SNX18: variants seen among roughly 807,000 people sequenced by gnomAD.
The protein encoded by SNX18 is sorting nexin-18.
A neutral mutation model predicts 48.7 loss-of-function variants in SNX18; 35 were observed. The ratio of observed to expected loss-of-function variants is 0.72; its 90% CI spans 0.55 to 0.95. The LOEUF (loss-of-function observed/expected upper bound fraction) is 0.95. SNX18 is among the 40% of genes least tolerant of loss of function. SNX18 has a pLI of 0.00. For synonymous variants in SNX18, 492 were observed against 384.7 expected, an observed-to-expected ratio of 1.28 and a Z score of -3.26; for missense variants, 824 against 871.0, an observed-to-expected ratio of 0.95 and a Z score of 0.68.
chr5:54,524,955 G>A (rs1762101615), intron 1 of SNX18, among the ~76,000 whole-genome samples: 1 of 152,246 alleles, frequency 6.6e-6, no homozygotes, highest in African/African-American at 2.4e-5. Context: ...GGACTGAGCT[G>A]GGTCTGCTGA....
the SNX18 span, among the ~76,000 whole-genome samples, chr5:54,582,908 C>T: frequency 6.6e-6 from 1 of 152,164 alleles, no homozygotes; most frequent in Admixed American, 6.5e-5. Flanking sequence ...TGTGTTAAAT[C>T]AAATCCCACC....
At chr5:54,547,358 G>C (rs1762592614), downstream of SNX18, among the ~76,000 whole-genome samples, 1 of 152,146 alleles carries the variant, frequency 6.6e-6, no homozygotes, top group Non-Finnish European at 1.5e-5. Flanking sequence ...AATTTCTTTT[G>C]ACCAAGATCA....
the SNX18 span, among the ~76,000 whole-genome samples, chr5:54,638,220 T>A: frequency 2.6e-5 from 4 of 152,234 alleles, no homozygotes; most frequent in Non-Finnish European, 4.4e-5. Context: ...CATTTTTAGA[T>A]ATAGTTAATG....
chr5:54,597,224 C>A, the SNX18 span, among the ~76,000 whole-genome samples: 3 of 152,118 alleles, frequency 2.0e-5, no homozygotes, highest in Admixed American at 6.5e-5. Flanking sequence ...TACAGGAGCA[C>A]CCAGATTCAT....
In SNX18 at chr5:54,517,927, G is replaced by C. The variant is rs769851361; in HGVS notation, c.-26G>C. 1.3e-6 allele frequency: 2 copies of C among 1,489,618 alleles called. No homozygotes were observed. Among genetic ancestry groups the C allele is most frequent in the South Asian group, 2.5e-5 (2 of 79,310 alleles). The allele number at this position is 1,489,618 out of a possible 1,614,324, so 92.3% of individuals were successfully genotyped here. ...CCTCGGCTCGGGACGCCGGGAGTCGGGACCGCCAGTCGGGGCGCCGGGACC... is the reference window on the plus strand; with the variant it reads ...CCTCGGCTCGGGACGCCGGGAGTCGCGACCGCCAGTCGGGGCGCCGGGACC... On this transcript the variant is annotated 5_prime_UTR_variant, in exon 1 of 2. Coordinates refer to ENST00000381410, the MANE Select transcript of SNX18 (RefSeq NM_001102575.2).
chr5:54,538,789 A>G (rs1328207729), intron 1 of SNX18, among the ~76,000 whole-genome samples: 2 of 152,174 alleles, frequency 1.3e-5, no homozygotes, highest in African/African-American at 4.8e-5. Flanking sequence ...TAAGTATATT[A>G]CTATCAACTT....
At chr5:54,588,315 T>C in the SNX18 span, among the ~76,000 whole-genome samples, 2 of 7,198 alleles carry the variant, frequency 2.8e-4, no homozygotes, top group Non-Finnish European at 2.5e-4. Flanking sequence ...TCTTTTTTTT[T>C]TTTTTTTTTT....
At chr5:54,619,848 G>A in the SNX18 span, among the ~76,000 whole-genome samples, 1 of 152,168 alleles carries the variant, frequency 6.6e-6, no homozygotes, top group African/African-American at 2.4e-5. Context: ...TTACATTCTT[G>A]TGAGGTTCTG....
At chr5:54,535,152 A>C (rs920623670) in intron 1 of SNX18, among the ~76,000 whole-genome samples, 1 of 152,234 alleles carries the variant, frequency 6.6e-6, no homozygotes, top group African/African-American at 2.4e-5. Context: ...AATTGAGAAT[A>C]TATGTATTAT....
chr5:54,527,056 G>A (rs1398628134), intron 1 of SNX18, among the ~76,000 whole-genome samples: 1 of 152,064 alleles, frequency 6.6e-6, no homozygotes, highest in Admixed American at 6.6e-5. Context: ...GGTGGTTGAA[G>A]TTAAGAGGAT....
chr5:54,608,871 ATTAGGTC>A, the SNX18 span, among the ~76,000 whole-genome samples: 40 of 152,326 alleles, frequency 2.6e-4, no homozygotes, highest in African/African-American at 9.6e-4. Context: ...TGTAAAGGTC[ATTAGGTC>A]TTATTAAACA....
chr5:54,629,084 A>G, the SNX18 span, among the ~76,000 whole-genome samples: 1 of 152,180 alleles, frequency 6.6e-6, no homozygotes, highest in African/African-American at 2.4e-5. Context: ...AATGCCTGTG[A>G]TTTGCCAGAA....
the SNX18 span, among the ~76,000 whole-genome samples, chr5:54,576,259 T>A: frequency 6.6e-6 from 1 of 152,112 alleles, no homozygotes; most frequent in Non-Finnish European, 1.5e-5. Context: ...ACCCACGGAA[T>A]CCATGAGCAT....
intron 1 of SNX18, among the ~76,000 whole-genome samples, chr5:54,542,448 G>A (rs1034568328): frequency 6.6e-6 from 1 of 152,190 alleles, no homozygotes; most frequent in Non-Finnish European, 1.5e-5. Context: ...TTGTACTCCA[G>A]GTGTGGGTCT....
the SNX18 span, among the ~76,000 whole-genome samples, chr5:54,634,331 C>T: frequency 1.3e-5 from 2 of 152,026 alleles, no homozygotes; most frequent in Non-Finnish European, 2.9e-5. Flanking sequence ...GGGACCATGA[C>T]ACAGAACTGA....
At chr5:54,642,847 C>A in the SNX18 span, among the ~76,000 whole-genome samples, 1 of 152,246 alleles carries the variant, frequency 6.6e-6, no homozygotes, top group African/African-American at 2.4e-5. Flanking sequence ...TATGATAGAT[C>A]AGCTCAACAT....
the SNX18 span, among the ~76,000 whole-genome samples, chr5:54,616,717 C>T: frequency 2.0e-5 from 3 of 151,808 alleles, no homozygotes; most frequent in African/African-American, 7.3e-5. Context: ...GGCAGTAAGC[C>T]AAGATCATGC....
the SNX18 span, among the ~76,000 whole-genome samples, chr5:54,607,558 G>C: frequency 1.3e-5 from 2 of 152,122 alleles, no homozygotes; most frequent in African/African-American, 2.4e-5. Context: ...GTATTCCATG[G>C]TAGGTATGCA....
At chr5:54,525,967 G>C (rs1303921301) in intron 1 of SNX18, among the ~76,000 whole-genome samples, 1 of 152,142 alleles carries the variant, frequency 6.6e-6, no homozygotes, top group Admixed American at 6.5e-5. Context: ...ACCTCACTAG[G>C]AACTTCGAAT....
Sources: allele counts gnomAD v4.1 joint callset (sites outside exome capture counted in the v4.1 genomes callset), GRCh38; gene constraint gnomAD v4.1.1; transcripts MANE v1.5; gene names NCBI Gene and HGNC (gene_info 2026-07-23, HGNC 2026-07-21).